SDK1: variants seen among roughly 807,000 people sequenced by gnomAD.
The protein encoded by SDK1 is protein sidekick-1.
SDK1 carries 157 observed loss-of-function variants against 245.5 expected under a neutral mutation model. The observed-to-expected ratio is 0.64, with a 90% CI of 0.56 to 0.73. The LOEUF is 0.73. Among genes scored for constraint, SDK1 ranks in the 30% least tolerant of loss-of-function variants. The pLI is 0.00. For missense variants in SDK1, 3,583 were observed against 3,002.3 expected (o/e 1.19, Z -4.52); for synonymous variants, 1,647 against 1,278.5 (o/e 1.29, Z -6.15).
At chr7:3,978,822 T>C (rs1413684556) in intron 13 of SDK1, among the ~76,000 whole-genome samples, 1 of 152,208 alleles carries the variant, frequency 6.6e-6, no homozygotes, top group Non-Finnish European at 1.5e-5. Flanking sequence ...ACAATGTCCT[T>C]CAGAGGAGCC....
chr7:3,987,744 T>G (rs1783980778), intron 14 of SDK1, among the ~76,000 whole-genome samples: 1 of 152,186 alleles, frequency 6.6e-6, no homozygotes, highest in Non-Finnish European at 1.5e-5. Context: ...ACCCTCTTCC[T>G]GACTCACCTT....
intron 4 of SDK1, among the ~76,000 whole-genome samples, chr7:3,770,784 G>A (rs1780385754): frequency 6.6e-6 from 1 of 152,114 alleles, no homozygotes; most frequent in South Asian, 2.1e-4. Context: ...GTTGTCAGTG[G>A]GACTCCTGTT....
In SDK1 at chr7:3,998,240, G is replaced by A. The variant is rs557583140; in HGVS notation, c.2131+10918G>A. On this transcript the variant is annotated intron_variant, in intron 14 of 44. Coordinates refer to ENST00000404826, the MANE Select transcript of SDK1 (RefSeq NM_152744.4). ...AGGGGCAGAGCTTCCACTTGTCCCC[G>A]GCTCCTATGGGCTCCTTGGAGCAAG... Among the ~76,000 whole-genome samples, 42 of 152,314 alleles carry A rather than the reference G, an allele frequency of 2.8e-4. No individual in the cohort carries two copies. In the South Asian group the frequency reaches 5.8e-3, roughly 21 times the overall value.
chr7:3,992,187 C>T (rs1004552813), intron 14 of SDK1, among the ~76,000 whole-genome samples: 4 of 152,338 alleles, frequency 2.6e-5, no homozygotes, highest in African/African-American at 9.6e-5. Context: ...ATAGCCTCTG[C>T]CCTGACGACA....
In SDK1 at chr7:4,134,495, C is replaced by T. The variant is rs965602610; in HGVS notation, c.4228+2072C>T. Among the ~76,000 whole-genome samples, 4 of 152,226 alleles carry T rather than the reference C, an allele frequency of 2.6e-5. No homozygotes were observed. In the East Asian group the frequency reaches 7.7e-4, roughly 29 times the overall value. On this transcript the variant is annotated intron_variant, in intron 28 of 44. Transcript: ENST00000404826. ...GGCAGGCCCTAACCTCAGCACAGCACCCAGGCATCAGCCTTTTCTGGAACA... is the reference window on the plus strand; with the variant it reads ...GGCAGGCCCTAACCTCAGCACAGCATCCAGGCATCAGCCTTTTCTGGAACA...
intron 1 of SDK1, among the ~76,000 whole-genome samples, chr7:3,504,014 G>A (rs1245691954): frequency 1.3e-5 from 2 of 151,910 alleles, no homozygotes; most frequent in African/African-American, 4.8e-5. Context: ...GCCGGGCATG[G>A]TGGCACGTGC....
intron 2 of SDK1, among the ~76,000 whole-genome samples, chr7:3,632,797 C>G (rs1412886407): frequency 6.6e-6 from 1 of 152,118 alleles, no homozygotes; most frequent in African/African-American, 2.4e-5. Flanking sequence ...CCATCAAAGT[C>G]ACATATATAT....
Position 3,632,160 on chromosome 7 carries a change from C to T in SDK1, c.459-6844C>T, listed in dbSNP as rs189942765. 5.6e-4 allele frequency among the ~76,000 whole-genome samples: 85 copies of T among 152,160 alleles called. 1 individual carries two copies. The South Asian group carries it at 6.2e-3, about 11-fold the overall frequency. On this transcript the variant is annotated intron_variant, in intron 2 of 44. Transcript: ENST00000404826. ...AGGTTTTCTGAAATTCCTTTTTTAC[C>T]GACTTGAGAGAGCAATTAATGCTCA...
chr7:3,597,248 G>T (rs1230919370), intron 1 of SDK1, among the ~76,000 whole-genome samples: 1 of 145,832 alleles, frequency 6.9e-6, no homozygotes, highest in East Asian at 2.0e-4. Context: ...CTCCAGCCTG[G>T]TCGACAGAGT....
At chr7:3,634,615 G>A (rs984140155) in intron 2 of SDK1, among the ~76,000 whole-genome samples, 4 of 152,152 alleles carry the variant, frequency 2.6e-5, no homozygotes, top group Non-Finnish European at 5.9e-5. Context: ...CTTATAAAGA[G>A]CCAGGAAACT....
chr7:3,565,131 A>G (rs1158806086), intron 1 of SDK1, among the ~76,000 whole-genome samples: 4 of 151,702 alleles, frequency 2.6e-5, no homozygotes, highest in African/African-American at 9.7e-5. Flanking sequence ...AAACCTCACA[A>G]GGGGATAACT....
At chr7:3,630,116 A>G (rs1359409655) in intron 2 of SDK1, among the ~76,000 whole-genome samples, 1 of 152,144 alleles carries the variant, frequency 6.6e-6, no homozygotes, top group Non-Finnish European at 1.5e-5. Flanking sequence ...CATAATGAAA[A>G]GGGCACAAAT....
intron 30 of SDK1, among the ~76,000 whole-genome samples, chr7:4,157,479 A>AAGGAAGGAAGGAAAGC (rs138212351): frequency 0.022 from 2,288 of 102,464 alleles, 80 homozygotes; most frequent in African/African-American, 0.08. Flanking sequence ...GGAAGGAGGG[A>AAGGAAGGAAGGAAAGC]AGGAAGGGAG....
intron 25 of SDK1, among the ~76,000 whole-genome samples, chr7:4,117,020 A>G (rs2128192943): frequency 6.6e-6 from 1 of 152,328 alleles, no homozygotes; most frequent in Admixed American, 6.5e-5. Flanking sequence ...TGTTATCTTC[A>G]CTGTCTGAAT....
At chr7:3,346,783 A>G (rs1583716727) in intron 1 of SDK1, among the ~76,000 whole-genome samples, 1 of 108,618 alleles carries the variant, frequency 9.2e-6, no homozygotes, top group Admixed American at 1.1e-4. Flanking sequence ...ATGTATACAT[A>G]TATATGTATG....
intron 5 of SDK1, among the ~76,000 whole-genome samples, chr7:3,934,009 T>C (rs1240585839): frequency 6.6e-6 from 1 of 152,170 alleles, no homozygotes; most frequent in East Asian, 1.9e-4. Flanking sequence ...CTTCAAAATG[T>C]AACAAACAGT....
chr7:3,694,220 C>T (rs573683763), intron 4 of SDK1, among the ~76,000 whole-genome samples: 109 of 152,276 alleles, frequency 7.2e-4, no homozygotes, highest in African/African-American at 2.6e-3. Context: ...CTGCCCACTG[C>T]ATAAGACTTC....
chr7:3,960,617 C>T (rs1309534526), intron 8 of SDK1, among the ~76,000 whole-genome samples: 1 of 152,250 alleles, frequency 6.6e-6, no homozygotes, highest in Non-Finnish European at 1.5e-5. Context: ...GTAACCACTG[C>T]TCCTGGCCCG....
chr7:3,430,824 A>G (rs926156097), intron 1 of SDK1, among the ~76,000 whole-genome samples: 1 of 152,164 alleles, frequency 6.6e-6, no homozygotes, highest in Non-Finnish European at 1.5e-5. Flanking sequence ...TGAAGCAAGG[A>G]TGGGGGCTGC....
Sources: allele counts gnomAD v4.1 joint callset (sites outside exome capture counted in the v4.1 genomes callset), GRCh38; gene constraint gnomAD v4.1.1; transcripts MANE v1.5; gene names NCBI Gene and HGNC (gene_info 2026-07-23, HGNC 2026-07-21).